Variants in PPM1H observed in about 807,000 individuals in gnomAD.
PPM1H encodes the protein protein phosphatase 1H.
A neutral mutation model predicts 54.9 loss-of-function variants in PPM1H; 27 were observed. That is an observed-to-expected ratio of 0.49 (90% confidence interval 0.36 to 0.68). The LOEUF (loss-of-function observed/expected upper bound fraction) is 0.68. PPM1H is among the 30% of genes least tolerant of loss of function. PPM1H has a pLI of 0.00. For missense variants in PPM1H, 596 were observed against 667.8 expected, an observed-to-expected ratio of 0.89 and a Z score of 1.19; for synonymous variants, 305 against 270.8, an observed-to-expected ratio of 1.13 and a Z score of -1.24.
intron 1 of PPM1H, among the ~76,000 whole-genome samples, chr12:62,915,299 G>GAGTGCCTGC (rs1307465662): frequency 6.6e-6 from 1 of 152,236 alleles, no homozygotes. Flanking sequence ...CATATGTGGT[G>GAGTGCCTGC]AGTGCCTGCA....
chr12:62,928,574 C>T (rs1435480258), intron 1 of PPM1H, among the ~76,000 whole-genome samples: 2 of 152,190 alleles, frequency 1.3e-5, no homozygotes, highest in Non-Finnish European at 2.9e-5. Context: ...GACAAAGATT[C>T]TCTCCTCCAC....
intron 1 of PPM1H, among the ~76,000 whole-genome samples, chr12:62,897,142 C>T (rs1242551990): frequency 6.6e-6 from 1 of 151,672 alleles, no homozygotes; most frequent in Non-Finnish European, 1.5e-5. Flanking sequence ...GGAAAAATAC[C>T]TAATGTAAAT....
At chr12:62,787,628 TG>T (rs1328469061) in intron 4 of PPM1H, among the ~76,000 whole-genome samples, 1 of 152,198 alleles carries the variant, frequency 6.6e-6, no homozygotes, top group African/African-American at 2.4e-5. Context: ...GGGTCTAGCT[TG>T]GGCAACATAG....
chr12:62,893,644 A>G (rs1414698475), intron 1 of PPM1H, among the ~76,000 whole-genome samples: 4 of 150,222 alleles, frequency 2.7e-5, no homozygotes, highest in African/African-American at 7.4e-5. Flanking sequence ...TGCGGGGGGG[A>G]GGGGGTGTGG....
At position 62,832,135 on chromosome 12, in the gene PPM1H, C is replaced by T; in HGVS notation, c.390G>A (p.Gly130=). 3 of 1,613,850 alleles carry T rather than the reference C, an allele frequency of 1.9e-6. No individual in the cohort carries two copies. Among genetic ancestry groups the T allele is most frequent in the Non-Finnish European group, 2.5e-6 (3 of 1,179,824 alleles). ...KRRSSLPNGE[G]LQLKENSESE... is the part of the protein sequence containing the mutation. ...TTACCGAGTTCTCCTTCAGCTGCAG[C>T]CCTTCCCCATTGGGAAGGGAGGACC... Residue 130 remains glycine, a synonymous_variant, in exon 2 of 10, where the codon GGG becomes GGA. Coordinates refer to ENST00000228705, the MANE Select transcript of PPM1H (RefSeq NM_020700.2).
intron 1 of PPM1H, among the ~76,000 whole-genome samples, chr12:62,923,766 G>A (rs1871880278): frequency 6.6e-6 from 1 of 152,140 alleles, no homozygotes; most frequent in Non-Finnish European, 1.5e-5. Flanking sequence ...AATAAAGGAG[G>A]CAGCAGGCCC....
At chr12:62,677,131 C>A (rs1230811641) in intron 8 of PPM1H, among the ~76,000 whole-genome samples, 1 of 152,276 alleles carries the variant, frequency 6.6e-6, no homozygotes, top group South Asian at 2.1e-4. Context: ...GAGGGCTGCA[C>A]TCATCAGGAT....
chr12:62,851,649 G>T (rs1869191299), intron 1 of PPM1H, among the ~76,000 whole-genome samples: 1 of 152,026 alleles, frequency 6.6e-6, no homozygotes, highest in Non-Finnish European at 1.5e-5. Context: ...GTTGCCATGA[G>T]CCGAGATCGT....
chr12:62,665,759 C>T (rs753189423), intron 9 of PPM1H, among the ~76,000 whole-genome samples: 11 of 151,998 alleles, frequency 7.2e-5, no homozygotes, highest in Admixed American at 1.3e-4. Flanking sequence ...TGTTTTGAGA[C>T]GGAGTCTTGC....
chr12:62,830,462 A>G (rs368502027), intron 2 of PPM1H, among the ~76,000 whole-genome samples: 64 of 152,220 alleles, frequency 4.2e-4, no homozygotes, highest in East Asian at 2.9e-3. Context: ...TCACTGTGTT[A>G]GCCAGGATGG....
At chr12:62,836,152 A>G (rs1868497813) in intron 1 of PPM1H, among the ~76,000 whole-genome samples, 1 of 152,260 alleles carries the variant, frequency 6.6e-6, no homozygotes, top group Admixed American at 6.5e-5. Flanking sequence ...CTTATTTTGA[A>G]GGCTTTAAAG....
intron 9 of PPM1H, among the ~76,000 whole-genome samples, chr12:62,666,887 T>C (rs1181876117): frequency 6.6e-6 from 1 of 152,160 alleles, no homozygotes; most frequent in Non-Finnish European, 1.5e-5. Flanking sequence ...CTAATTTTTG[T>C]ATTTTTAGTA....
intron 9 of PPM1H, among the ~76,000 whole-genome samples, chr12:62,653,237 T>G (rs2075825261): frequency 6.6e-6 from 1 of 152,246 alleles, no homozygotes; most frequent in Non-Finnish European, 1.5e-5. Flanking sequence ...TTAGTTTTAC[T>G]CTTTCAAACT....
intron 6 of PPM1H, among the ~76,000 whole-genome samples, chr12:62,700,550 T>A (rs1365262773): frequency 6.6e-6 from 1 of 152,174 alleles, no homozygotes; most frequent in Non-Finnish European, 1.5e-5. Context: ...CATCTCTACC[T>A]TTCAAACAAA....
At chr12:62,744,668 G>A (rs1405298134) in intron 4 of PPM1H, among the ~76,000 whole-genome samples, 1 of 152,142 alleles carries the variant, frequency 6.6e-6, no homozygotes, top group Non-Finnish European at 1.5e-5. Context: ...TTTCAGGCCT[G>A]ACCACAGGCC....
At chr12:62,659,961 A>C (rs762807052) in intron 9 of PPM1H, among the ~76,000 whole-genome samples, 2 of 152,216 alleles carry the variant, frequency 1.3e-5, no homozygotes, top group African/African-American at 2.4e-5. Flanking sequence ...CTCCACTGAA[A>C]ATTAAACAGG....
At chr12:62,799,848 CA>C (rs1004336909) in intron 3 of PPM1H, among the ~76,000 whole-genome samples, 11 of 152,152 alleles carry the variant, frequency 7.2e-5, no homozygotes, top group African/African-American at 2.7e-4. Flanking sequence ...TGGGCTAGGT[CA>C]CCCCTCCTCA....
chr12:62,776,093 GA>G (rs1565785467), intron 4 of PPM1H, among the ~76,000 whole-genome samples: 1 of 151,970 alleles, frequency 6.6e-6, no homozygotes, highest in Non-Finnish European at 1.5e-5. Context: ...AACAGCATGG[GA>G]AAAATACTCC....
At chr12:62,771,067 CA>C (rs2076576450) in intron 4 of PPM1H, among the ~76,000 whole-genome samples, 1 of 151,180 alleles carries the variant, frequency 6.6e-6, no homozygotes, top group Non-Finnish European at 1.5e-5. Flanking sequence ...CACACACACA[CA>C]CACACACACA....
Sources: gnomAD v4.1 joint callset for allele counts (sites outside exome capture counted in the v4.1 genomes callset) on GRCh38, gnomAD v4.1.1 for gene constraint, MANE v1.5 for transcripts, NCBI Gene and HGNC (gene_info 2026-07-23, HGNC 2026-07-21) for gene names.